GRID2: variants seen among roughly 807,000 people sequenced by gnomAD.
GRID2 encodes glutamate receptor ionotropic, delta-2.
A neutral mutation model predicts 114.8 loss-of-function variants in GRID2; 33 were observed. The ratio of observed to expected loss-of-function variants is 0.29; its 90% CI spans 0.22 to 0.38. The LOEUF (loss-of-function observed/expected upper bound fraction) is 0.38, where lower values mean the gene tolerates loss of function less well. Ranked by LOEUF, GRID2 falls within the 10% of genes least tolerant of loss-of-function variation. The pLI is 1.00. For synonymous variants in GRID2, 505 were observed against 449.9 expected, an observed-to-expected ratio of 1.12 and a Z score of -1.55; for missense variants, 1,184 against 1,257.7, an observed-to-expected ratio of 0.94 and a Z score of 0.89.
At chr4:93,358,933 C>T (rs1488273704) in intron 8 of GRID2, among the ~76,000 whole-genome samples, 1 of 151,980 alleles carries the variant, frequency 6.6e-6, no homozygotes, top group Admixed American at 6.6e-5. Flanking sequence ...TAACTGTTGC[C>T]ATGATAATGC....
chr4:93,718,717 T>TA (rs1323912383), intron 14 of GRID2, among the ~76,000 whole-genome samples: 1,831 of 149,720 alleles, frequency 0.012, 37 homozygotes, highest in African/African-American at 0.042. Context: ...CTGAATTCTT[T>TA]AAAAAAAAAA....
rs932899544 is a variant in GRID2, at chr4:93,028,444, C to T, written c.245-56551C>T. Among the ~76,000 whole-genome samples, 8 of 151,776 alleles carry T rather than the reference C, an allele frequency of 5.3e-5. No individual in the cohort carries two copies. In the East Asian group the frequency reaches 7.8e-4, roughly 15 times the overall value. On this transcript the variant is annotated intron_variant, in intron 2 of 15. Coordinates refer to ENST00000282020, the MANE Select transcript of GRID2 (RefSeq NM_001510.4). The stretch of plus-strand genomic sequence containing the variant: ...GTGCCAGGGTAGTAAGAAATGAGAC[C>T]GGAAAGAGTTCCAAAAGGTAAATTA...
At chr4:92,493,035 C>A (rs1033942815) in intron 1 of GRID2, among the ~76,000 whole-genome samples, 1 of 146,932 alleles carries the variant, frequency 6.8e-6, no homozygotes, top group Non-Finnish European at 1.5e-5. Context: ...AGGCTGAGGT[C>A]GGAGAATTGC....
intron 9 of GRID2, among the ~76,000 whole-genome samples, chr4:93,415,038 TAA>T (rs1393311847): frequency 6.6e-6 from 1 of 152,128 alleles, no homozygotes; most frequent in African/African-American, 2.4e-5. Flanking sequence ...TGTCATATCA[TAA>T]GTTTCAGTTG....
intron 2 of GRID2, among the ~76,000 whole-genome samples, chr4:92,805,724 G>C (rs965597014): frequency 2.0e-5 from 3 of 151,948 alleles, no homozygotes; most frequent in Admixed American, 1.3e-4. Context: ...CTTTAGCCAA[G>C]AAGTTGAAGG....
intron 1 of GRID2, among the ~76,000 whole-genome samples, chr4:92,405,169 T>C (rs1330084777): frequency 6.6e-6 from 1 of 152,224 alleles, no homozygotes; most frequent in African/African-American, 2.4e-5. Flanking sequence ...TCCCAGCAAT[T>C]CGACTTTGGT....
At chr4:92,702,533 A>G (rs1161184904) in intron 2 of GRID2, 1 of 152,044 alleles carries the variant, frequency 6.6e-6, no homozygotes, top group Non-Finnish European at 1.5e-5. Flanking sequence ...TAAAACCCTC[A>G]TCATCTACTG....
chr4:92,342,592 G>C (rs943433785), intron 1 of GRID2, among the ~76,000 whole-genome samples: 4 of 152,152 alleles, frequency 2.6e-5, no homozygotes, highest in Admixed American at 2.6e-4. Context: ...AGGTGTTCTT[G>C]GAAGGAAATT....
chr4:92,991,061 C>T lies in GRID2; in HGVS notation c.245-93934C>T, dbSNP rs372856824. 2.6e-4 allele frequency among the ~76,000 whole-genome samples: 40 copies of T among 152,164 alleles called. No homozygotes were observed. In the South Asian group the frequency reaches 3.9e-3, roughly 15 times the overall value. On this transcript the variant is annotated intron_variant, in intron 2 of 15. Coordinates refer to ENST00000282020, the MANE Select transcript of GRID2 (RefSeq NM_001510.4). ...AACTCTTTATATATTTTCTGCATTA[C>T]GGACAATGACTCTGTGAATAGGGTA...
At chr4:93,437,390 A>AGAGAGTTTTAATGT (rs1418562922) in intron 10 of GRID2, among the ~76,000 whole-genome samples, 1 of 42,910 alleles carries the variant, frequency 2.3e-5, no homozygotes, top group Non-Finnish European at 4.5e-5. Flanking sequence ...CCAGAGAAAA[A>AGAGAGTTTTAATGT]CAGTTTTGTC....
intron 1 of GRID2, among the ~76,000 whole-genome samples, chr4:92,558,171 C>T (rs1296229630): frequency 6.6e-6 from 1 of 152,018 alleles, no homozygotes; most frequent in Non-Finnish European, 1.5e-5. Context: ...ATCATTTTTA[C>T]AATGCCAAGA....
chr4:92,392,181 T>C (rs1300457007), intron 1 of GRID2, among the ~76,000 whole-genome samples: 1 of 152,200 alleles, frequency 6.6e-6, no homozygotes, highest in Non-Finnish European at 1.5e-5. Flanking sequence ...AAATGATTTA[T>C]ATTGCCCTGA....
intron 1 of GRID2, among the ~76,000 whole-genome samples, chr4:92,334,522 C>G (rs1727064771): frequency 1.3e-5 from 2 of 151,984 alleles, no homozygotes. Context: ...ACTGCATCAT[C>G]CCACGGCAGA....
At chr4:93,167,197 A>G (rs1195380524) in intron 4 of GRID2, among the ~76,000 whole-genome samples, 4 of 152,120 alleles carry the variant, frequency 2.6e-5, no homozygotes, top group Non-Finnish European at 5.9e-5. Flanking sequence ...TTTAAAAGAA[A>G]TTGTGTCTTT....
chr4:93,244,023 A>G (rs752954172), intron 8 of GRID2, among the ~76,000 whole-genome samples: 21 of 152,114 alleles, frequency 1.4e-4, no homozygotes, highest in Non-Finnish European at 2.5e-4. Flanking sequence ...AGAAGACATA[A>G]AAAGTAAAGA....
chr4:92,638,006 A>G (rs1172505758), intron 2 of GRID2, among the ~76,000 whole-genome samples: 3 of 151,944 alleles, frequency 2.0e-5, no homozygotes, highest in Admixed American at 1.3e-4. Flanking sequence ...TTTCAAAGCA[A>G]GTTTTAGTGA....
intron 2 of GRID2, among the ~76,000 whole-genome samples, chr4:92,831,718 G>A (rs1379837627): frequency 6.6e-6 from 1 of 151,936 alleles, no homozygotes; most frequent in Non-Finnish European, 1.5e-5. Context: ...TTAGCTGGGG[G>A]TGGTGGTACA....
In GRID2 at chr4:92,899,669, C is replaced by T. The variant is rs142436176; in HGVS notation, c.245-185326C>T. On this transcript the variant is annotated intron_variant, in intron 2 of 15. Coordinates refer to ENST00000282020, the MANE Select transcript of GRID2 (RefSeq NM_001510.4). ...TCAGATCTTCAGACCAAAAAATAAG[C>T]AAAAACAATGTTGAATGCTATTGTG... Among the ~76,000 whole-genome samples the T allele has an allele frequency of 1.1e-4, 17 of 152,176 alleles. 1 individual carries two copies. In the East Asian group the frequency reaches 3.1e-3, roughly 28 times the overall value.
intron 12 of GRID2, among the ~76,000 whole-genome samples, chr4:93,505,634 AAATAT>A (rs1445552039): frequency 1.3e-5 from 2 of 148,730 alleles, no homozygotes; most frequent in African/African-American, 2.4e-5. Flanking sequence ...CACATATATT[AAATAT>A]AATATATCTA....
Sources: allele counts gnomAD v4.1 joint callset (sites outside exome capture counted in the v4.1 genomes callset), GRCh38; gene constraint gnomAD v4.1.1; transcripts MANE v1.5; gene names NCBI Gene and HGNC (gene_info 2026-07-23, HGNC 2026-07-21).